ATP8A1: variants seen among roughly 807,000 people sequenced by gnomAD.
ATP8A1 encodes the protein phospholipid-transporting ATPase IA.
Under a neutral mutation model 177.7 loss-of-function variants are expected in ATP8A1, and 90 were observed. The ratio of observed to expected loss-of-function variants is 0.51; its 90% CI spans 0.43 to 0.60. ATP8A1 has a LOEUF of 0.60. Ranked by LOEUF, ATP8A1 falls within the 20% of genes least tolerant of loss-of-function variation. ATP8A1 has a pLI of 0.00. For synonymous variants in ATP8A1, 493 were observed against 485.9 expected (o/e 1.01, Z -0.19); for missense variants, 1,072 against 1,392.8 (o/e 0.77, Z 3.67).
At chr4:42,517,247 G>A (rs563206920) in intron 22 of ATP8A1, among the ~76,000 whole-genome samples, 15 of 144,652 alleles carry the variant, frequency 1.0e-4, no homozygotes, top group Admixed American at 3.6e-4. Flanking sequence ...GTTGCACTGA[G>A]CCGACACTGC....
intron 33 of ATP8A1, among the ~76,000 whole-genome samples, chr4:42,428,400 C>A (rs1043209118): frequency 6.6e-6 from 1 of 152,204 alleles, no homozygotes; most frequent in African/African-American, 2.4e-5. Context: ...ATGGCATCAT[C>A]CCTGGCTGCC....
Position 42,546,710 on chromosome 4 carries a change from T to C in ATP8A1, c.1652+2303A>G, listed in dbSNP as rs373497217. On this transcript the variant is annotated intron_variant, in intron 19 of 36. Coordinates refer to ENST00000381668, the MANE Select transcript of ATP8A1 (RefSeq NM_006095.2). The stretch of plus-strand genomic sequence containing the variant: ...ATCTATCCCCTTCATTCCCAGTCTT[T>C]TCCTTTTTCTTCTCTCCTCACCATT... 2.4e-4 allele frequency among the ~76,000 whole-genome samples: 37 copies of C among 152,288 alleles called. 1 individual carries two copies. In the South Asian group the frequency reaches 3.5e-3, roughly 14 times the overall value.
At chr4:42,622,571 C>T (rs1737585602) in intron 4 of ATP8A1, among the ~76,000 whole-genome samples, 1 of 151,254 alleles carries the variant, frequency 6.6e-6, no homozygotes. Flanking sequence ...AGCTTTTGCA[C>T]AGCAAAAAAG....
At chr4:42,585,800 G>A (rs1287130742) in intron 9 of ATP8A1, among the ~76,000 whole-genome samples, 1 of 151,994 alleles carries the variant, frequency 6.6e-6, no homozygotes, top group Admixed American at 6.6e-5. Flanking sequence ...GGGTAGAAGA[G>A]AAGAAACAAG....
At chr4:42,616,455 G>A (rs949510631) in intron 4 of ATP8A1, among the ~76,000 whole-genome samples, 1 of 152,182 alleles carries the variant, frequency 6.6e-6, no homozygotes, top group Admixed American at 6.5e-5. Flanking sequence ...GAGATTGCCT[G>A]AGAGAATTAT....
At chr4:42,563,602 C>G (rs1489540502) in intron 15 of ATP8A1, among the ~76,000 whole-genome samples, 1 of 152,190 alleles carries the variant, frequency 6.6e-6, no homozygotes, top group African/African-American at 2.4e-5. Context: ...CCCCTCCCAT[C>G]ACAGGTCCAG....
At chr4:42,641,436 T>C (rs1053429388) in intron 1 of ATP8A1, among the ~76,000 whole-genome samples, 3 of 152,170 alleles carry the variant, frequency 2.0e-5, no homozygotes, top group Non-Finnish European at 2.9e-5. Context: ...AGTTACTGTG[T>C]TGCATTAAAT....
chr4:42,442,384 C>T (rs185033197), intron 33 of ATP8A1, among the ~76,000 whole-genome samples: 120 of 152,134 alleles, frequency 7.9e-4, no homozygotes, highest in African/African-American at 2.7e-3. Flanking sequence ...TACTTTTTTT[C>T]CTTCAGTTGT....
At chr4:42,469,428 G>A (rs1720153614) in intron 25 of ATP8A1, among the ~76,000 whole-genome samples, 1 of 152,124 alleles carries the variant, frequency 6.6e-6, no homozygotes, top group Non-Finnish European at 1.5e-5. Flanking sequence ...GTGGCTGAAA[G>A]GGATTCAGGT....
At chr4:42,577,691 AT>A (rs1465170179) in intron 12 of ATP8A1, among the ~76,000 whole-genome samples, 3 of 152,306 alleles carry the variant, frequency 2.0e-5, no homozygotes, top group Non-Finnish European at 4.4e-5. Context: ...ATTTAACAAT[AT>A]TCAAGAGAAA....
chr4:42,469,753 T>G (rs1720185952), intron 25 of ATP8A1, among the ~76,000 whole-genome samples: 1 of 152,208 alleles, frequency 6.6e-6, no homozygotes, highest in Non-Finnish European at 1.5e-5. Flanking sequence ...TATATTATTT[T>G]CTACTGCTGT....
chr4:42,597,103 T>TAG (rs1179224671), intron 6 of ATP8A1, among the ~76,000 whole-genome samples: 1 of 152,170 alleles, frequency 6.6e-6, no homozygotes, highest in Non-Finnish European at 1.5e-5. Context: ...TGTGAATGAT[T>TAG]AGATGCATGC....
chr4:42,513,464 T>A (rs957801073), intron 22 of ATP8A1, among the ~76,000 whole-genome samples: 4 of 152,162 alleles, frequency 2.6e-5, no homozygotes, highest in Non-Finnish European at 4.4e-5. Flanking sequence ...CAACATGAGC[T>A]GACACTTGAC....
intron 20 of ATP8A1, among the ~76,000 whole-genome samples, chr4:42,527,503 G>A (rs939426460): frequency 1.3e-5 from 2 of 152,156 alleles, no homozygotes; most frequent in African/African-American, 4.8e-5. Context: ...TTTTGTCTGA[G>A]GAGATAAAGC....
At chr4:42,439,390 C>T (rs895450016) in intron 33 of ATP8A1, among the ~76,000 whole-genome samples, 1 of 152,196 alleles carries the variant, frequency 6.6e-6, no homozygotes, top group Non-Finnish European at 1.5e-5. Flanking sequence ...TTGGAAATCA[C>T]AAGATGTTGG....
At chr4:42,483,056 G>T (rs1294753926) in intron 25 of ATP8A1, among the ~76,000 whole-genome samples, 1 of 152,190 alleles carries the variant, frequency 6.6e-6, no homozygotes, top group African/African-American at 2.4e-5. Context: ...GAAACGAGGA[G>T]TGACACTTGG....
intron 35 of ATP8A1, among the ~76,000 whole-genome samples, chr4:42,421,066 C>T (rs1713862393): frequency 6.6e-6 from 1 of 152,096 alleles, no homozygotes; most frequent in Admixed American, 6.5e-5. Context: ...CCGCGCCTGG[C>T]CAGAACTCTT....
At chr4:42,505,418 T>C (rs1242982857) in intron 23 of ATP8A1, among the ~76,000 whole-genome samples, 1 of 152,236 alleles carries the variant, frequency 6.6e-6, no homozygotes, top group African/African-American at 2.4e-5. Context: ...TACTGCCCTT[T>C]ATTGCCATAT....
chr4:42,649,042 C>T (rs913361508), intron 1 of ATP8A1, among the ~76,000 whole-genome samples: 2 of 152,190 alleles, frequency 1.3e-5, no homozygotes, highest in Non-Finnish European at 1.5e-5. Flanking sequence ...ACCCAGAAAT[C>T]CCATTTCTAG....
Sources: gnomAD v4.1 joint callset for allele counts (sites outside exome capture counted in the v4.1 genomes callset) on GRCh38, gnomAD v4.1.1 for gene constraint, MANE v1.5 for transcripts, NCBI Gene and HGNC (gene_info 2026-07-23, HGNC 2026-07-21) for gene names.